Variants in TNKS observed in about 807,000 individuals in gnomAD.
TNKS encodes the protein tankyrase.
In TNKS, 72 loss-of-function variants were observed where a neutral mutation model predicts 135.8. That is an observed-to-expected ratio of 0.53 (90% confidence interval 0.44 to 0.64). TNKS has a LOEUF of 0.64. TNKS is among the 30% of genes least tolerant of loss of function. The pLI is 0.00. For missense variants in TNKS, 1,769 were observed against 1,674.0 expected (o/e 1.06, Z -0.99); for synonymous variants, 849 against 649.3 (o/e 1.31, Z -4.68).
At chr8:9,751,375 T>C (rs768151288) in intron 18 of TNKS, among the ~76,000 whole-genome samples, 1 of 152,228 alleles carries the variant, frequency 6.6e-6, no homozygotes, top group Non-Finnish European at 1.5e-5. Context: ...AAGTGCTTTT[T>C]TTTAAATGAA....
At chr8:9,723,498 T>C (rs557066204) in intron 12 of TNKS, among the ~76,000 whole-genome samples, 5 of 152,330 alleles carry the variant, frequency 3.3e-5, no homozygotes, top group African/African-American at 1.2e-4. Context: ...TTAATAAAGT[T>C]TTCATTATAA....
intron 12 of TNKS, among the ~76,000 whole-genome samples, chr8:9,725,646 A>T (rs964551335): frequency 2.0e-5 from 3 of 152,224 alleles, no homozygotes; most frequent in African/African-American, 7.2e-5. Flanking sequence ...CTAAACTGTT[A>T]CATGAGTTGT....
chr8:9,726,420 A>G (rs539288891), intron 12 of TNKS, among the ~76,000 whole-genome samples: 28 of 152,306 alleles, frequency 1.8e-4, no homozygotes, highest in Admixed American at 1.4e-3. Flanking sequence ...CATACATAAA[A>G]AAAGTAAACA....
rs1416361501 is a variant in TNKS, at chr8:9,751,685, C to T, written c.2909C>T (p.Thr970Ile). The change falls in exon 19 of 27, where the codon ACT becomes ATT. Residue 970 changes from threonine (T) to isoleucine (I), a missense_variant. Around this residue, in one of 5 missense-constraint regions of TNKS, gnomAD observed 722 missense variants for 688.9 expected, o/e 1.05. Transcript: ENST00000310430. Reference sequence around the variant, plus strand: ...CCTACCTGTTTTAAACCTCAGGCTACTGTAGTGAGTGCCTCTCTGATCTCA... The same window carrying T: ...CCTACCTGTTTTAAACCTCAGGCTATTGTAGTGAGTGCCTCTCTGATCTCA... ...ALPTCFKPQA[T>I]VVSASLISPA... 6.2e-7 allele frequency: 1 copy of T among 1,614,210 alleles called. No individual in the cohort carries two copies. Among genetic ancestry groups the T allele is most frequent in the East Asian group, 2.2e-5 (1 of 44,878 alleles).
chr8:9,635,753 A>G (rs1042006743), intron 3 of TNKS, among the ~76,000 whole-genome samples: 2 of 152,222 alleles, frequency 1.3e-5, no homozygotes, highest in African/African-American at 4.8e-5. Context: ...ATGAGAAAAC[A>G]TTAAACAAAT....
chr8:9,631,204 C>T (rs1474874329), intron 3 of TNKS, among the ~76,000 whole-genome samples: 1 of 152,066 alleles, frequency 6.6e-6, no homozygotes, highest in African/African-American at 2.4e-5. Context: ...TTATAATACC[C>T]CAAATCTTTA....
intron 6 of TNKS, among the ~76,000 whole-genome samples, chr8:9,705,936 T>A (rs1804019757): frequency 6.6e-6 from 1 of 152,230 alleles, no homozygotes; most frequent in Admixed American, 6.5e-5. Context: ...TAGCATATGA[T>A]CTTCCTTTCG....
At chr8:9,572,995 A>G (rs150156069) in intron 1 of TNKS, among the ~76,000 whole-genome samples, 68 of 152,026 alleles carry the variant, frequency 4.5e-4, no homozygotes, top group African/African-American at 1.6e-3. Flanking sequence ...GTGGACTGAT[A>G]ATACTTAAGA....
Position 9,735,499 on chromosome 8 carries a change from A to T in TNKS, c.2643+13A>T. 1.2e-6 allele frequency: 2 copies of T among 1,607,774 alleles called. No individual in the cohort carries two copies. The highest frequency in any genetic ancestry group is 8.5e-7 in the Non-Finnish European group (1 of 1,174,256). On this transcript the variant is annotated intron_variant, in intron 17 of 26. Coordinates refer to ENST00000310430, the MANE Select transcript of TNKS (RefSeq NM_003747.3). ...GGCATCTTATGGGGTAAGCATACTAACATTAAAATCTAGAAAACTGACCGC... is the reference window on the plus strand; with the variant it reads ...GGCATCTTATGGGGTAAGCATACTATCATTAAAATCTAGAAAACTGACCGC...
At chr8:9,710,845 G>C (rs1804293984) in intron 11 of TNKS, among the ~76,000 whole-genome samples, 1 of 152,116 alleles carries the variant, frequency 6.6e-6, no homozygotes. Flanking sequence ...GCAGTGAGCT[G>C]AGATTGCGCC....
At chr8:9,630,972 A>G (rs891579112) in intron 3 of TNKS, among the ~76,000 whole-genome samples, 1 of 152,200 alleles carries the variant, frequency 6.6e-6, no homozygotes, top group African/African-American at 2.4e-5. Context: ...AGCAGTACAT[A>G]CATTTTCATG....
chr8:9,600,145 C>T (rs1798955950), intron 2 of TNKS, among the ~76,000 whole-genome samples: 1 of 152,132 alleles, frequency 6.6e-6, no homozygotes, highest in Non-Finnish European at 1.5e-5. Context: ...AAAGGAATTG[C>T]TAGGGTCCCA....
intron 2 of TNKS, among the ~76,000 whole-genome samples, chr8:9,587,270 G>A (rs1375904777): frequency 6.6e-6 from 1 of 152,056 alleles, no homozygotes; most frequent in African/African-American, 2.4e-5. Flanking sequence ...CACCATTGGT[G>A]GCTTTGAAAA....
chr8:9,608,045 A>G (rs1035552676), intron 2 of TNKS, among the ~76,000 whole-genome samples: 2 of 152,048 alleles, frequency 1.3e-5, no homozygotes, highest in Non-Finnish European at 2.9e-5. Flanking sequence ...GGCTCAAGCG[A>G]TCCTCCCACC....
At chr8:9,577,555 G>C (rs1195722043) in intron 1 of TNKS, among the ~76,000 whole-genome samples, 5 of 152,250 alleles carry the variant, frequency 3.3e-5, no homozygotes, top group Middle Eastern at 3.4e-3. Flanking sequence ...AGGAGAGCAG[G>C]AGGAGGTGCT....
At chr8:9,558,951 GTTA>G (rs1347166721) in intron 1 of TNKS, 1 of 152,130 alleles carries the variant, frequency 6.6e-6, no homozygotes, top group Non-Finnish European at 1.5e-5. Flanking sequence ...CAGTTGACTG[GTTA>G]TTATGATAGT....
At position 9,776,853 on chromosome 8, in the gene TNKS, T is replaced by C. The variant is rs1393872554; in HGVS notation, c.*117T>C. The stretch of plus-strand genomic sequence containing the variant: ...TCCCTGACAGCCTAGAAATAAGCTG[T>C]TTGTCTTCTATAAAGCATTGCTATA... On this transcript the variant is annotated 3_prime_UTR_variant, in exon 27 of 27. Coordinates refer to ENST00000310430, the MANE Select transcript of TNKS (RefSeq NM_003747.3). 2 of 954,434 alleles carry C rather than the reference T, an allele frequency of 2.1e-6. No individual in the cohort carries two copies. The highest frequency in any genetic ancestry group is 3.2e-6 in the Non-Finnish European group (2 of 625,118). 59.1% of individuals were successfully genotyped at this position (954,434 alleles called of 1,614,324 possible). A position where few individuals can be genotyped will look rare whatever the true frequency, so the allele number is the denominator to read the frequency against.
chr8:9,587,434 C>G (rs963757005), intron 2 of TNKS, among the ~76,000 whole-genome samples: 2 of 149,138 alleles, frequency 1.3e-5, no homozygotes, highest in Non-Finnish European at 3.0e-5. Flanking sequence ...GAGTCTCGCT[C>G]TGTCGCCCAG....
chr8:9,681,589 A>G (rs12541617), intron 5 of TNKS, among the ~76,000 whole-genome samples: 95,454 of 151,840 alleles, frequency 0.63, 30,494 homozygotes, highest in Middle Eastern at 0.72. Context: ...CTAAAAACCT[A>G]AAACATTTTT....
Sources: gnomAD v4.1 joint callset for allele counts (sites outside exome capture counted in the v4.1 genomes callset) on GRCh38, gnomAD v4.1.1 for gene constraint, gnomAD v4.1.1 regional missense constraint, MANE v1.5 for transcripts, NCBI Gene and HGNC (gene_info 2026-07-23, HGNC 2026-07-21) for gene names.